The following GRID2 variants were observed in gnomAD, a reference collection of about 807,000 sequenced individuals.
The protein encoded by GRID2 is glutamate receptor ionotropic, delta-2.
A neutral mutation model predicts 114.8 loss-of-function variants in GRID2; 33 were observed. The ratio of observed to expected loss-of-function variants is 0.29; its 90% CI spans 0.22 to 0.38. The LOEUF (loss-of-function observed/expected upper bound fraction) is 0.38. Among genes scored for constraint, GRID2 ranks in the 10% least tolerant of loss-of-function variants. GRID2 has a pLI of 1.00. For missense variants in GRID2, 1,184 were observed against 1,257.7 expected, an observed-to-expected ratio of 0.94 and a Z score of 0.89; for synonymous variants, 505 against 449.9, an observed-to-expected ratio of 1.12 and a Z score of -1.55.
chr4:93,629,357 T>C (rs1052088677), intron 14 of GRID2, among the ~76,000 whole-genome samples: 14 of 152,178 alleles, frequency 9.2e-5, no homozygotes, highest in Non-Finnish European at 1.5e-5. Context: ...CCTGGACATA[T>C]GGAGAAAAGG....
intron 11 of GRID2, among the ~76,000 whole-genome samples, chr4:93,486,273 A>G (rs1385187203): frequency 3.3e-5 from 5 of 151,650 alleles, no homozygotes; most frequent in Admixed American, 3.3e-4. Flanking sequence ...GATTTTCTAC[A>G]TACATATTCA....
intron 2 of GRID2, among the ~76,000 whole-genome samples, chr4:92,940,733 A>T (rs1416337729): frequency 6.6e-5 from 10 of 152,034 alleles, no homozygotes; most frequent in Non-Finnish European, 1.2e-4. Context: ...TTATTTTGAG[A>T]TACATCCCAT....
At chr4:93,609,324 C>A (rs1293350051) in intron 13 of GRID2, among the ~76,000 whole-genome samples, 1 of 82,880 alleles carries the variant, frequency 1.2e-5, no homozygotes, top group African/African-American at 4.8e-5. Flanking sequence ...TAATTAGATC[C>A]CATTTGTCAA....
At chr4:93,508,120 C>A (rs1265903503) in intron 12 of GRID2, among the ~76,000 whole-genome samples, 2 of 151,788 alleles carry the variant, frequency 1.3e-5, no homozygotes, top group South Asian at 2.1e-4. Context: ...AACAAACCTG[C>A]ACGTTGTGCA....
intron 2 of GRID2, among the ~76,000 whole-genome samples, chr4:92,944,603 C>T (rs559266979): frequency 7.2e-5 from 11 of 152,326 alleles, no homozygotes; most frequent in South Asian, 2.1e-4. Flanking sequence ...GGGAGATGAA[C>T]CTGGTATCTC....
At position 93,110,771 on chromosome 4, in the gene GRID2, T is replaced by G. The variant is rs1201060532; in HGVS notation, c.553T>G (p.Leu185Val). The change falls in exon 4 of 16, where the codon TTG becomes GTG. Residue 185 changes from leucine (L) to valine (V), a missense_variant. This residue lies in a region of GRID2 where 455 missense variants were observed against 429.5 expected (regional missense o/e 1.06). Coordinates refer to ENST00000282020, the MANE Select transcript of GRID2 (RefSeq NM_001510.4). ...AGATATCCGTGGAATACAGGAGTTC[T>G]TGGACAAAGTCTCTCAGCAGGGAAT... ...EYDIRGIQEFLDKVSQQGMDV... is the reference protein window; with the variant it reads ...EYDIRGIQEFVDKVSQQGMDV... 1 of 1,612,300 alleles carries G rather than the reference T, an allele frequency of 6.2e-7. No individual in the cohort carries two copies. Among genetic ancestry groups the G allele is most frequent in the Non-Finnish European group, 8.5e-7 (1 of 1,178,288 alleles).
chr4:92,529,004 G>A (rs554891804), intron 1 of GRID2, among the ~76,000 whole-genome samples: 3 of 152,114 alleles, frequency 2.0e-5, no homozygotes, highest in Non-Finnish European at 2.9e-5. Flanking sequence ...TGGAAGATAG[G>A]AAACTGCAAA....
At chr4:93,510,754 G>T (rs1450797293) in intron 12 of GRID2, among the ~76,000 whole-genome samples, 1 of 151,992 alleles carries the variant, frequency 6.6e-6, no homozygotes, top group South Asian at 2.1e-4. Context: ...ATTAAATAAG[G>T]CATTGTGGAA....
At chr4:92,820,442 G>C (rs182117915) in intron 2 of GRID2, among the ~76,000 whole-genome samples, 8 of 152,178 alleles carry the variant, frequency 5.3e-5, no homozygotes, top group Non-Finnish European at 7.4e-5. Flanking sequence ...ATATCAAACA[G>C]GCAGAGTTAA....
chr4:93,227,421 G>T (rs975825411), intron 7 of GRID2, among the ~76,000 whole-genome samples: 3 of 151,924 alleles, frequency 2.0e-5, no homozygotes, highest in Non-Finnish European at 4.4e-5. Context: ...TAGAGACGGG[G>T]TTTCATCATG....
intron 14 of GRID2, among the ~76,000 whole-genome samples, chr4:93,706,035 C>G (rs1402106915): frequency 6.6e-6 from 1 of 152,122 alleles, no homozygotes. Context: ...TACCATTAGT[C>G]TATGTGTCTG....
At chr4:93,392,955 G>A (rs1579933011) in intron 8 of GRID2, among the ~76,000 whole-genome samples, 1 of 151,896 alleles carries the variant, frequency 6.6e-6, no homozygotes, top group South Asian at 2.1e-4. Flanking sequence ...TGGTCATTGT[G>A]AAGCTTACAT....
chr4:92,376,562 C>T (rs960100968), intron 1 of GRID2, among the ~76,000 whole-genome samples: 1 of 152,148 alleles, frequency 6.6e-6, no homozygotes, highest in Admixed American at 6.5e-5. Context: ...CACAGCTCCA[C>T]TAGGCGGTGC....
intron 1 of GRID2, among the ~76,000 whole-genome samples, chr4:92,456,688 G>A (rs1365030835): frequency 6.6e-6 from 1 of 152,026 alleles, no homozygotes; most frequent in East Asian, 1.9e-4. Flanking sequence ...TGACAGTTAT[G>A]CCTTATGTTT....
intron 2 of GRID2, among the ~76,000 whole-genome samples, chr4:92,830,873 G>T (rs1339547857): frequency 6.6e-6 from 1 of 152,104 alleles, no homozygotes; most frequent in Non-Finnish European, 1.5e-5. Flanking sequence ...TCATTGTGTA[G>T]TTACAGAACA....
chr4:93,296,613 T>C (rs544459147), intron 8 of GRID2, among the ~76,000 whole-genome samples: 1 of 152,312 alleles, frequency 6.6e-6, no homozygotes, highest in South Asian at 2.1e-4. Flanking sequence ...AACAAACATA[T>C]ATGATTACAG....
intron 10 of GRID2, among the ~76,000 whole-genome samples, chr4:93,443,458 T>C (rs1721803984): frequency 6.6e-6 from 1 of 151,876 alleles, no homozygotes; most frequent in Non-Finnish European, 1.5e-5. Context: ...GGGAAGTAAT[T>C]AGAAGGAAGA....
intron 2 of GRID2, among the ~76,000 whole-genome samples, chr4:92,820,587 T>C (rs780833868): frequency 6.6e-6 from 1 of 152,144 alleles, no homozygotes; most frequent in South Asian, 2.1e-4. Context: ...ATGAACTTTA[T>C]AGAAAGTGTT....
intron 2 of GRID2, among the ~76,000 whole-genome samples, chr4:92,710,734 T>C (rs947884260): frequency 5.3e-5 from 8 of 152,216 alleles, no homozygotes; most frequent in African/African-American, 1.9e-4. Context: ...TTCAATATGA[T>C]ATTCATTTGA....
Sources: allele counts gnomAD v4.1 joint callset (sites outside exome capture counted in the v4.1 genomes callset), GRCh38; gene constraint gnomAD v4.1.1; regional missense constraint gnomAD v4.1.1; transcripts MANE v1.5; gene names NCBI Gene and HGNC (gene_info 2026-07-23, HGNC 2026-07-21).